The following WFDC1 variants were observed in gnomAD, a reference collection of about 807,000 sequenced individuals.
WFDC1 encodes the protein WAP four-disulfide core domain 1, also known as WAP four-disulfide core domain protein 1.
A neutral mutation model predicts 32.9 loss-of-function variants in WFDC1; 39 were observed. The observed-to-expected ratio is 1.19, with a 90% confidence interval of 0.92 to 1.55. The LOEUF is 1.55. WFDC1 is among the 40% of genes most tolerant of loss of function. The pLI is 0.00. For synonymous variants in WFDC1, 184 were observed against 137.4 expected (o/e 1.34, Z -2.37); for missense variants, 386 against 309.5 (o/e 1.25, Z -1.85).
intron 1 of WFDC1, among the ~76,000 whole-genome samples, chr16:84,297,635 A>AAAAC (rs1906681255): frequency 2.0e-5 from 3 of 148,600 alleles, no homozygotes; most frequent in Non-Finnish European, 4.5e-5. Flanking sequence ...AAAAAAAAAA[A>AAAAC]AAAAAAAAAA....
chr16:84,319,614 TC>T (rs1450241872), intron 4 of WFDC1, 43 bp downstream of exon 4: 5 of 1,599,034 alleles, frequency 3.1e-6, no homozygotes, highest in Non-Finnish European at 4.3e-6. Flanking sequence ...CCTGCCCCAG[TC>T]CCCTTCTCCC....
intron 1 of WFDC1, among the ~76,000 whole-genome samples, chr16:84,304,453 C>G (rs1907128107): frequency 6.6e-6 from 1 of 152,158 alleles, no homozygotes; most frequent in Admixed American, 6.5e-5. Flanking sequence ...GTCTCGAACT[C>G]CTGACCTCAG....
intron 2 of WFDC1, chr16:84,316,095 G>A (rs994592147): frequency 3.3e-5 from 5 of 152,244 alleles, no homozygotes; most frequent in African/African-American, 1.2e-4. Context: ...TTTCCCACCT[G>A]AAAATGTTTC....
At chr16:84,302,926 A>C (rs370950165) in intron 1 of WFDC1, among the ~76,000 whole-genome samples, 22 of 152,076 alleles carry the variant, frequency 1.4e-4, no homozygotes, top group African/African-American at 4.8e-4. Context: ...AATAGAAGGG[A>C]TGGAAAGTTC....
At chr16:84,306,285 C>T (rs1306990003) in intron 1 of WFDC1, among the ~76,000 whole-genome samples, 2 of 152,178 alleles carry the variant, frequency 1.3e-5, no homozygotes, top group African/African-American at 2.4e-5. Flanking sequence ...CTGTGCAAAG[C>T]AGCCTTTGAT....
intron 1 of WFDC1, among the ~76,000 whole-genome samples, chr16:84,302,244 G>A (rs1358918517): frequency 6.6e-6 from 1 of 152,142 alleles, no homozygotes; most frequent in Non-Finnish European, 1.5e-5. Flanking sequence ...TGAGAACAGA[G>A]GTTCTGCCTG....
intron 2 of WFDC1, 85 bp downstream of exon 2, chr16:84,313,238 G>A (rs1907751994): frequency 1.6e-6 from 2 of 1,268,548 alleles, no homozygotes; most frequent in Admixed American, 4.1e-5. Flanking sequence ...AAGGAGCTGG[G>A]CTTAAAGCTG....
chr16:84,309,891 C>G (rs1034276229), intron 1 of WFDC1, among the ~76,000 whole-genome samples: 1 of 151,698 alleles, frequency 6.6e-6, no homozygotes, highest in Non-Finnish European at 1.5e-5. Flanking sequence ...TGTGTGTGAT[C>G]TCCCTCTGCT....
chr16:84,313,079 A>C lies in WFDC1; in HGVS notation c.263A>C (p.Glu88Ala), dbSNP rs908578731. 1.4e-6 allele frequency: 2 copies of C among 1,424,042 alleles called. No individual in the cohort carries two copies. The highest frequency in any genetic ancestry group is 9.1e-7 in the Non-Finnish European group (1 of 1,094,220). The allele number at this position is 1,424,042 out of a possible 1,614,324, so 88.2% of individuals were successfully genotyped here. Residue 88 changes from glutamate to alanine, a missense_variant, in exon 2 of 7, where the codon GAG becomes GCG. Physicochemically the swap from Glu to Ala is moderately radical, Grantham distance 107. Transcript: ENST00000219454. ...CQAARCQADS[E>A]CPRHRRCCYN... ...GCCGCGCGCTGTCAGGCGGACTCCG[A>C]GTGCCCGCGGCACCGGCGCTGCTGC...
chr16:84,301,154 C>T (rs1906908335), intron 1 of WFDC1, among the ~76,000 whole-genome samples: 1 of 152,164 alleles, frequency 6.6e-6, no homozygotes, highest in African/African-American at 2.4e-5. Context: ...GAAAGGTTTT[C>T]TCCTTAGAGC....
chr16:84,314,288 G>T (rs181740), intron 2 of WFDC1, among the ~76,000 whole-genome samples: 4 of 152,014 alleles, frequency 2.6e-5, no homozygotes, highest in South Asian at 2.1e-4. Context: ...ACAGTAAGTG[G>T]GGAGTAGGGT....
intron 2 of WFDC1, among the ~76,000 whole-genome samples, chr16:84,313,768 C>T (rs1345838345): frequency 3.9e-5 from 6 of 152,220 alleles, no homozygotes; most frequent in Admixed American, 3.9e-4. Context: ...GGCTTCAGAT[C>T]CACCGGCCAG....
chr16:84,327,943 C>G (rs547390300), intron 6 of WFDC1: 1 of 152,330 alleles, frequency 6.6e-6, no homozygotes, highest in Non-Finnish European at 1.5e-5. Flanking sequence ...CACAAGCCAA[C>G]AGATCAATCA....
chr16:84,316,471 G>A (rs901049587), intron 2 of WFDC1: 4 of 152,196 alleles, frequency 2.6e-5, no homozygotes, highest in Non-Finnish European at 5.9e-5. Flanking sequence ...CATGCTTAAA[G>A]TTTTCTGCCC....
intron 3 of WFDC1, chr16:84,318,751 C>T (rs944546360): frequency 1.3e-5 from 3 of 231,520 alleles, no homozygotes; most frequent in East Asian, 1.8e-4. Flanking sequence ...GCATGCAGGT[C>T]GGGGGCCTGG....
At chr16:84,327,630 A>G (rs1908678876) in intron 6 of WFDC1, 1 of 152,300 alleles carries the variant, frequency 6.6e-6, no homozygotes, top group African/African-American at 2.4e-5. Context: ...ATTTCAAGGC[A>G]GGAACGTAGG....
rs533988350 is a variant in WFDC1 at position 84,311,335 on chromosome 16, C to G, written c.145-1626C>G. 3.3e-5 allele frequency among the ~76,000 whole-genome samples: 5 copies of G among 150,976 alleles called. No homozygotes were observed. The East Asian group carries it at 9.8e-4, about 30-fold the overall frequency. ...TCTTGGCTCACTGCAAGCTCCGACTCCCAGGTCCACACCATTCTCCTACAG... is the reference window on the plus strand; with the variant it reads ...TCTTGGCTCACTGCAAGCTCCGACTGCCAGGTCCACACCATTCTCCTACAG... On this transcript the variant is annotated intron_variant, in intron 1 of 6. Coordinates refer to ENST00000219454, the MANE Select transcript of WFDC1 (RefSeq NM_021197.4).
chr16:84,325,740 A>G (rs948520316), intron 5 of WFDC1: 5 of 151,660 alleles, frequency 3.3e-5, no homozygotes, highest in African/African-American at 1.2e-4. Flanking sequence ...CCATCTATAT[A>G]TTCATCTATC....
intron 5 of WFDC1, 88 bp downstream of exon 5, chr16:84,324,548 G>A (rs561027011): frequency 2.0e-6 from 3 of 1,471,770 alleles, no homozygotes; most frequent in Non-Finnish European, 2.8e-6. Context: ...TAAAAGCCCA[G>A]GGCTGAGATA....
Sources: allele counts gnomAD v4.1 joint callset (sites outside exome capture counted in the v4.1 genomes callset), GRCh38; gene constraint gnomAD v4.1.1; transcripts MANE v1.5; gene names NCBI Gene and HGNC (gene_info 2026-07-23, HGNC 2026-07-21).